ASB3: variants seen among roughly 807,000 people sequenced by gnomAD.
The protein encoded by ASB3 is ankyrin repeat and SOCS box containing 3.
ASB3 carries 41 observed loss-of-function variants against 54.5 expected under a neutral mutation model. The observed-to-expected ratio is 0.75, with a 90% confidence interval of 0.59 to 0.98. The LOEUF (loss-of-function observed/expected upper bound fraction) is 0.98, where lower values mean the gene tolerates loss of function less well. Among genes scored for constraint, ASB3 ranks in the 50% least tolerant of loss-of-function variants. The pLI, the probability that ASB3 is intolerant of heterozygous loss-of-function variation, is 0.00. For synonymous variants in ASB3, 266 were observed against 221.2 expected (o/e 1.20, Z -1.80); for missense variants, 733 against 620.0 (o/e 1.18, Z -1.94).
intron 7 of ASB3, among the ~76,000 whole-genome samples, chr2:53,703,499 C>G (rs1338465171): frequency 6.6e-6 from 1 of 152,092 alleles, no homozygotes; most frequent in Non-Finnish European, 1.5e-5. Context: ...CTTAGGAGGC[C>G]AAGGCAGGAG....
chr2:53,777,183 T>C (rs941083113), intron 1 of ASB3, among the ~76,000 whole-genome samples: 2 of 152,224 alleles, frequency 1.3e-5, no homozygotes, highest in Non-Finnish European at 2.9e-5. Flanking sequence ...CTTCCAGCTT[T>C]CTTATTCTTC....
chr2:53,716,513 T>C, intron 6 of ASB3, 53 bp downstream of exon 6: 2 of 1,578,696 alleles, frequency 1.3e-6, no homozygotes, highest in Middle Eastern at 3.7e-4. Flanking sequence ...AGATTTATTC[T>C]TTATTAGCTT....
intron 3 of ASB3, among the ~76,000 whole-genome samples, chr2:53,734,968 G>A (rs540132720): frequency 1.4e-5 from 2 of 141,722 alleles, no homozygotes; most frequent in South Asian, 4.5e-4. Flanking sequence ...TGCCCAGGCT[G>A]GAGTGCAGTG....
intron 3 of ASB3, among the ~76,000 whole-genome samples, chr2:53,735,432 T>C (rs1370954296): frequency 2.9e-5 from 4 of 140,092 alleles, no homozygotes; most frequent in African/African-American, 8.1e-5. Flanking sequence ...TAATAAAACA[T>C]GCAAAACCTC....
intron 9 of ASB3, among the ~76,000 whole-genome samples, chr2:53,685,345 T>C (rs1668579604): frequency 6.6e-6 from 1 of 152,192 alleles, no homozygotes; most frequent in South Asian, 2.1e-4. Flanking sequence ...TGACCATATA[T>C]GGTAACCTAT....
chr2:53,752,711 A>C (rs199674206), intron 2 of ASB3, among the ~76,000 whole-genome samples: 20 of 152,242 alleles, frequency 1.3e-4, no homozygotes, highest in Non-Finnish European at 2.6e-4. Flanking sequence ...AAAATGAACA[A>C]CACAAGCATT....
At chr2:53,719,054 G>A (rs1670554648) in intron 5 of ASB3, among the ~76,000 whole-genome samples, 1 of 152,114 alleles carries the variant, frequency 6.6e-6, no homozygotes, top group South Asian at 2.1e-4. Flanking sequence ...CCGAGTAGCT[G>A]GGACTACAGG....
intron 7 of ASB3, among the ~76,000 whole-genome samples, chr2:53,710,588 T>C (rs1024643426): frequency 1.3e-5 from 2 of 152,242 alleles, no homozygotes; most frequent in Admixed American, 1.3e-4. Flanking sequence ...TGTTATGCTG[T>C]ATAAATTCTG....
At chr2:53,755,981 C>G (rs1041966183) in intron 2 of ASB3, among the ~76,000 whole-genome samples, 1 of 150,986 alleles carries the variant, frequency 6.6e-6, no homozygotes, top group Non-Finnish European at 1.5e-5. Flanking sequence ...AGTAAGACCC[C>G]CCCCCCACCT....
intron 7 of ASB3, among the ~76,000 whole-genome samples, chr2:53,707,926 C>T (rs1443491876): frequency 2.7e-5 from 4 of 148,934 alleles, no homozygotes; most frequent in Non-Finnish European, 5.9e-5. Context: ...GGTGTCACTG[C>T]CCTCCAGCCT....
At chr2:53,745,609 G>T (rs1419686273) in intron 3 of ASB3, among the ~76,000 whole-genome samples, 1 of 152,104 alleles carries the variant, frequency 6.6e-6, no homozygotes, top group African/African-American at 2.4e-5. Context: ...CGGTCACCTG[G>T]GAGATTTCCA....
intron 3 of ASB3, among the ~76,000 whole-genome samples, chr2:53,747,033 C>G (rs910138614): frequency 1.3e-5 from 2 of 152,044 alleles, no homozygotes; most frequent in African/African-American, 4.8e-5. Context: ...TAAAAAAGTA[C>G]AAGTTAACTA....
At chr2:53,677,301 G>C (rs758451910) in intron 9 of ASB3, among the ~76,000 whole-genome samples, 4 of 152,114 alleles carry the variant, frequency 2.6e-5, no homozygotes, top group African/African-American at 9.7e-5. Flanking sequence ...GCACTTCTCA[G>C]ACTGTATCCC....
intron 1 of ASB3, chr2:53,774,146 G>A (rs1459907341): frequency 2.5e-6 from 4 of 1,596,116 alleles, no homozygotes; most frequent in South Asian, 2.3e-5. Context: ...CAACAGGGAT[G>A]TGTATGGGGT....
chr2:53,672,297 A>C (rs1171523481), intron 9 of ASB3, among the ~76,000 whole-genome samples: 2 of 152,230 alleles, frequency 1.3e-5, no homozygotes, highest in African/African-American at 2.4e-5. Context: ...TATAGTATAT[A>C]GCACGCACAT....
chr2:53,786,245 C>G (rs1270925108), intron 1 of ASB3: 1 of 152,204 alleles, frequency 6.6e-6, no homozygotes, highest in African/African-American at 2.4e-5. Context: ...CATAAACACA[C>G]ACATTCATCT....
chr2:53,776,857 A>G (rs191212739), intron 1 of ASB3, among the ~76,000 whole-genome samples: 310 of 152,244 alleles, frequency 2.0e-3, no homozygotes, highest in Non-Finnish European at 3.1e-3. Context: ...CTCTAAGCAT[A>G]TATTACAGAC....
intron 1 of ASB3, chr2:53,786,136 T>C (rs1465084122): frequency 6.6e-6 from 1 of 152,160 alleles, no homozygotes; most frequent in East Asian, 1.9e-4. Flanking sequence ...GTCCATTATA[T>C]TGGAGATCAA....
At chr2:53,776,444 C>T (rs1260250419) in intron 1 of ASB3, among the ~76,000 whole-genome samples, 1 of 152,070 alleles carries the variant, frequency 6.6e-6, no homozygotes, top group South Asian at 2.1e-4. Context: ...TATCTTTTTT[C>T]AGCAAAAATA....
Sources: allele counts gnomAD v4.1 joint callset (sites outside exome capture counted in the v4.1 genomes callset), GRCh38; gene constraint gnomAD v4.1.1; transcripts MANE v1.5; gene names NCBI Gene and HGNC (gene_info 2026-07-23, HGNC 2026-07-21).